The following AKR1D1 variants were observed in gnomAD, a reference collection of about 807,000 sequenced individuals.
The protein encoded by AKR1D1 is delta(4)-3-ketosteroid 5-beta-reductase.
In AKR1D1, 32 loss-of-function variants were observed where a neutral mutation model predicts 42.6. The observed-to-expected ratio is 0.75, with a 90% confidence interval of 0.57 to 1.01. The LOEUF (loss-of-function observed/expected upper bound fraction) is 1.01. Ranked by LOEUF, AKR1D1 falls within the 50% of genes least tolerant of loss-of-function variation. The probability of loss-of-function intolerance (pLI) is 0.00; values close to 1 mark genes in which losing one functional copy is unlikely to be tolerated. For missense variants in AKR1D1, 364 were observed against 402.2 expected (o/e 0.91, Z 0.81); for synonymous variants, 123 against 135.5 (o/e 0.91, Z 0.64).
intron 1 of AKR1D1, among the ~76,000 whole-genome samples, chr7:138,079,749 C>T (rs1258576432): frequency 3.9e-5 from 6 of 152,216 alleles, no homozygotes; most frequent in Admixed American, 3.3e-4. Flanking sequence ...CCCAAACTTA[C>T]GTTGTAGTGG....
intron 1 of AKR1D1, among the ~76,000 whole-genome samples, chr7:138,077,228 G>C (rs1430569996): frequency 6.6e-6 from 1 of 152,160 alleles, no homozygotes; most frequent in Non-Finnish European, 1.5e-5. Flanking sequence ...ATAAAGGAAA[G>C]AGGTTTAATT....
chr7:138,085,446 CT>C (rs67935838), intron 1 of AKR1D1, among the ~76,000 whole-genome samples: 1,396 of 129,776 alleles, frequency 0.011, 17 homozygotes, highest in African/African-American at 0.035. Context: ...CTTTTCTTTC[CT>C]TTTTTTTTTT....
chr7:138,091,428 C>G (rs1390567417), intron 2 of AKR1D1: 11 of 335,290 alleles, frequency 3.3e-5, no homozygotes, highest in Non-Finnish European at 6.4e-5. Context: ...AACCTCCAAA[C>G]AAGCTCTCAA....
At chr7:138,091,083 C>T (rs117256343) in intron 2 of AKR1D1, among the ~76,000 whole-genome samples, 4,095 of 152,214 alleles carry the variant, frequency 0.027, 83 homozygotes, top group Middle Eastern at 0.044. Context: ...CATTGTGTAA[C>T]CCTAGTTATA....
chr7:138,086,293 C>T (rs1215185284), intron 1 of AKR1D1, among the ~76,000 whole-genome samples: 1 of 152,164 alleles, frequency 6.6e-6, no homozygotes, highest in Non-Finnish European at 1.5e-5. Context: ...CCTCACCTCC[C>T]CTTCCCACTG....
intron 8 of AKR1D1, among the ~76,000 whole-genome samples, chr7:138,114,791 C>T (rs1794604604): frequency 6.6e-6 from 1 of 151,802 alleles, no homozygotes; most frequent in Middle Eastern, 3.4e-3. Context: ...TTAATGTTTC[C>T]AGTTCTTCAA....
At chr7:138,085,556 T>C (rs1803156035) in intron 1 of AKR1D1, among the ~76,000 whole-genome samples, 11 of 150,074 alleles carry the variant, frequency 7.3e-5, no homozygotes. Flanking sequence ...GAGATTCCCC[T>C]GCCTCAGCCT....
chr7:138,076,666 T>A, intron 1 of AKR1D1, 55 bp downstream of exon 1: 1 of 1,430,874 alleles, frequency 7.0e-7, no homozygotes, highest in Non-Finnish European at 9.8e-7. Context: ...AACATTTGCC[T>A]ATAGCATAAT....
chr7:138,093,260 G>T (rs900957435), intron 3 of AKR1D1, among the ~76,000 whole-genome samples: 1 of 151,654 alleles, frequency 6.6e-6, no homozygotes, highest in Admixed American at 6.6e-5. Flanking sequence ...GTAGAGACAG[G>T]GTTTCACCAT....
intron 4 of AKR1D1, chr7:138,098,336 G>A (rs766892562): frequency 5.8e-5 from 11 of 189,618 alleles, no homozygotes; most frequent in East Asian, 3.0e-4. Flanking sequence ...CAGGCCAGTC[G>A]CAGTGGCTCA....
intron 7 of AKR1D1, among the ~76,000 whole-genome samples, chr7:138,109,843 G>A (rs3805360): frequency 0.79 from 120,785 of 152,156 alleles, 48,243 homozygotes; most frequent in African/African-American, 0.86. Context: ...AAAAATTATA[G>A]GAGTGTTACA....
At chr7:138,103,890 G>A (rs1486543222) in intron 4 of AKR1D1, among the ~76,000 whole-genome samples, 2 of 152,128 alleles carry the variant, frequency 1.3e-5, no homozygotes, top group Admixed American at 6.5e-5. Flanking sequence ...AGCACTTTGG[G>A]AGGCCAAGGT....
At chr7:138,086,841 C>A (rs920047774) in intron 1 of AKR1D1, among the ~76,000 whole-genome samples, 1 of 152,122 alleles carries the variant, frequency 6.6e-6, no homozygotes, top group East Asian at 1.9e-4. Context: ...TAGAATCAAC[C>A]CTCTCACACA....
chr7:138,090,699 C>G (rs1203239362), intron 2 of AKR1D1, among the ~76,000 whole-genome samples: 1 of 151,500 alleles, frequency 6.6e-6, no homozygotes, highest in East Asian at 1.9e-4. Flanking sequence ...CCAAAAAAAT[C>G]TGTGAGCAAA....
At chr7:138,098,617 G>C (rs1241568799) in intron 4 of AKR1D1, among the ~76,000 whole-genome samples, 6 of 152,032 alleles carry the variant, frequency 3.9e-5, no homozygotes, top group African/African-American at 7.3e-5. Flanking sequence ...CTCAAAAACA[G>C]GAACAACAAC....
At chr7:138,082,399 C>T (rs1172546481) in intron 1 of AKR1D1, among the ~76,000 whole-genome samples, 1 of 151,290 alleles carries the variant, frequency 6.6e-6, no homozygotes, top group African/African-American at 2.4e-5. Context: ...TGGGGGTCTT[C>T]TTCTGTCACC....
At chr7:138,090,551 C>A (rs747200078) in intron 2 of AKR1D1, among the ~76,000 whole-genome samples, 1 of 151,068 alleles carries the variant, frequency 6.6e-6, no homozygotes, top group African/African-American at 2.4e-5. Flanking sequence ...GCAGCAGAAT[C>A]GCTTGAACCC....
rs147914930 is a variant in AKR1D1, at chr7:138,112,166, A to G, written c.856-1524A>G. ...CCTCACTTTGCCATTAGATTATTCC[A>G]TATATTTACTGGATAAGAGGCTGAT... On this transcript the variant is annotated intron_variant, in intron 7 of 8. Coordinates refer to ENST00000242375, the MANE Select transcript of AKR1D1 (RefSeq NM_005989.4). 4.8e-3 allele frequency among the ~76,000 whole-genome samples: 731 copies of G among 152,296 alleles called. 8 individuals are homozygous for G. Among genetic ancestry groups the G allele is most frequent in the African/African-American group, 0.017 (710 of 41,570 alleles).
At chr7:138,080,119 C>G (rs1803022496) in intron 1 of AKR1D1, among the ~76,000 whole-genome samples, 1 of 152,208 alleles carries the variant, frequency 6.6e-6, no homozygotes, top group Non-Finnish European at 1.5e-5. Flanking sequence ...TATGCTGCCT[C>G]TGGAGCCTGA....
Sources: allele counts gnomAD v4.1 joint callset (sites outside exome capture counted in the v4.1 genomes callset), GRCh38; gene constraint gnomAD v4.1.1; transcripts MANE v1.5; gene names NCBI Gene and HGNC (gene_info 2026-07-23, HGNC 2026-07-21).